ROCK2: variants seen among roughly 807,000 people sequenced by gnomAD.
ROCK2 encodes the protein rho-associated protein kinase 2.
ROCK2 carries 61 observed loss-of-function variants against 195.1 expected under a neutral mutation model. That is an observed-to-expected ratio of 0.31 (90% CI 0.25 to 0.39). ROCK2 has a LOEUF of 0.39. ROCK2 is among the 10% of genes least tolerant of loss of function. The pLI, the probability that ROCK2 is intolerant of heterozygous loss-of-function variation, is 1.00. For synonymous variants in ROCK2, 504 were observed against 545.5 expected, an observed-to-expected ratio of 0.92 and a Z score of 1.06; for missense variants, 1,109 against 1,637.4, an observed-to-expected ratio of 0.68 and a Z score of 5.57.
chr2:11,199,929 C>G (rs990796497), intron 23 of ROCK2, among the ~76,000 whole-genome samples: 5 of 152,066 alleles, frequency 3.3e-5, no homozygotes, highest in Non-Finnish European at 7.4e-5. Context: ...TGTACTATGC[C>G]ATACTAAATT....
At chr2:11,244,142 T>C (rs1665529945) in intron 4 of ROCK2, among the ~76,000 whole-genome samples, 1 of 152,208 alleles carries the variant, frequency 6.6e-6, no homozygotes. Flanking sequence ...AAGAATTTCA[T>C]TCTTGTCATT....
chr2:11,302,668 C>T (rs991707087), intron 1 of ROCK2, among the ~76,000 whole-genome samples: 5 of 152,070 alleles, frequency 3.3e-5, no homozygotes, highest in African/African-American at 1.2e-4. Flanking sequence ...AACTGAGATG[C>T]TCTGGTAAAT....
intron 32 of ROCK2, among the ~76,000 whole-genome samples, chr2:11,190,593 T>C (rs1024178360): frequency 6.6e-6 from 1 of 152,138 alleles, no homozygotes; most frequent in Non-Finnish European, 1.5e-5. Flanking sequence ...ATCAAAAGGA[T>C]ATTTGGAGTT....
rs545908289 is a variant in ROCK2, at chr2:11,344,573, G to A, written c.-437C>T. 8.9e-3 allele frequency: 7,715 copies of A among 866,856 alleles called. 42 individuals are homozygous for A. Among genetic ancestry groups the A allele is most frequent in the Non-Finnish European group, 0.01 (7,257 of 724,052 alleles). The allele number at this position is 866,856 out of a possible 1,614,324, so 53.7% of individuals were successfully genotyped here. A position where few individuals can be genotyped will look rare whatever the true frequency, so the allele number is the denominator to read the frequency against. ...CCGCCGGCCCGCTGCCATGGTCGCC[G>A]CCGGCCGCCTTGCAGTCCCTCAGCC... is the stretch of plus-strand genomic sequence containing the variant. On this transcript the variant is annotated 5_prime_UTR_variant, in exon 1 of 33. Coordinates refer to ENST00000315872, the MANE Select transcript of ROCK2 (RefSeq NM_004850.5). The surrounding 1 kb of genome is among the most constrained non-coding windows in gnomAD (Gnocchi z 5.4).
intron 20 of ROCK2, among the ~76,000 whole-genome samples, chr2:11,206,644 C>T (rs550871183): frequency 1.3e-5 from 2 of 152,296 alleles, no homozygotes; most frequent in African/African-American, 4.8e-5. Flanking sequence ...TAGATAGCAT[C>T]AGTCTTACTG....
intron 3 of ROCK2, among the ~76,000 whole-genome samples, chr2:11,252,945 A>G (rs546310676): frequency 1.1e-5 from 1 of 89,444 alleles, no homozygotes; most frequent in African/African-American, 5.2e-5. Context: ...AAAGTATAAT[A>G]ATAATAATAA....
intron 1 of ROCK2, among the ~76,000 whole-genome samples, chr2:11,305,793 A>G (rs968107199): frequency 4.6e-5 from 7 of 152,246 alleles, no homozygotes; most frequent in Admixed American, 1.3e-4. Context: ...TATGTAAGAT[A>G]TAAACACTAT....
At chr2:11,193,676 C>T (rs542337173) in intron 30 of ROCK2, 103 bp downstream of exon 30, 1 of 591,056 alleles carries the variant, frequency 1.7e-6, no homozygotes, top group Admixed American at 3.3e-5. Flanking sequence ...TGAAGAGGGT[C>T]AAAGAATGAA....
intron 1 of ROCK2, among the ~76,000 whole-genome samples, chr2:11,288,292 A>G (rs1429453949): frequency 2.0e-5 from 3 of 152,170 alleles, no homozygotes; most frequent in African/African-American, 7.2e-5. Flanking sequence ...TACAGTGAAC[A>G]TGCATTAAAA....
In ROCK2 at chr2:11,180,442, G is replaced by C. The variant is rs1662937470; in HGVS notation, c.*2995C>G. 1 of 152,078 alleles carries C rather than the reference G, an allele frequency of 6.6e-6. No individual in the cohort carries two copies. Among genetic ancestry groups the C allele is most frequent in the Non-Finnish European group, 1.5e-5 (1 of 68,002 alleles). 9.4% of individuals were successfully genotyped at this position (152,078 alleles called of 1,614,324 possible). ...GGTATGCTTATCCATTAGTTAGCTG[G>C]AACATTTTAAAACTTTCATATAGAT... On this transcript the variant is annotated 3_prime_UTR_variant, in exon 33 of 33. Coordinates refer to ENST00000315872, the MANE Select transcript of ROCK2 (RefSeq NM_004850.5).
chr2:11,238,494 G>A (rs1487282272), intron 4 of ROCK2, among the ~76,000 whole-genome samples: 1 of 152,066 alleles, frequency 6.6e-6, no homozygotes, highest in African/African-American at 2.4e-5. Flanking sequence ...TCTGGAACTA[G>A]AACAAAGCAG....
At chr2:11,343,862 C>G in intron 1 of ROCK2, 134 bp downstream of exon 1, 2 of 1,166,570 alleles carry the variant, frequency 1.7e-6, no homozygotes, top group South Asian at 3.5e-5. Context: ...GTCTCCGGCC[C>G]CGGCTGCCGG....
intron 1 of ROCK2, among the ~76,000 whole-genome samples, chr2:11,340,897 G>A (rs1337931662): frequency 2.6e-5 from 4 of 152,102 alleles, no homozygotes; most frequent in Non-Finnish European, 5.9e-5. Context: ...CTTTGAAAGA[G>A]TAAAATAAAT....
intron 3 of ROCK2, among the ~76,000 whole-genome samples, chr2:11,283,262 CAA>C (rs70953382): frequency 9.4e-4 from 128 of 136,274 alleles, no homozygotes; most frequent in Non-Finnish European, 9.6e-4. Flanking sequence ...GACTCCGTCT[CAA>C]AAAAAAAAAA....
intron 8 of ROCK2, among the ~76,000 whole-genome samples, chr2:11,221,682 C>CAT (rs1273855723): frequency 1.3e-5 from 2 of 152,078 alleles, no homozygotes; most frequent in East Asian, 3.8e-4. Context: ...GAATCAATGT[C>CAT]ATATATACAT....
chr2:11,209,471 A>T (rs552101813), intron 18 of ROCK2, among the ~76,000 whole-genome samples: 1 of 152,340 alleles, frequency 6.6e-6, no homozygotes, highest in East Asian at 1.9e-4. Context: ...CTTGTTTTTT[A>T]AAAAGCAAAA....
chr2:11,285,548 C>T (rs1011517888), intron 3 of ROCK2, among the ~76,000 whole-genome samples: 2 of 152,126 alleles, frequency 1.3e-5, no homozygotes, highest in Non-Finnish European at 2.9e-5. Context: ...TCAAGAAAGG[C>T]ACAGTGAGGT....
At position 11,270,513 on chromosome 2, in the gene ROCK2, G is replaced by A. The variant is rs991605155; in HGVS notation, c.324+16026C>T. Among the ~76,000 whole-genome samples, 6 of 151,974 alleles carry A rather than the reference G, an allele frequency of 3.9e-5. No individual in the cohort carries two copies. In the East Asian group the frequency reaches 9.6e-4, roughly 24 times the overall value. ...TTTACACCTTTTCTAGTGGTTCCAT[G>A]GTTCTGTGATAATTCTGTTCTGATG... On this transcript the variant is annotated intron_variant, in intron 3 of 32. Transcript: ENST00000315872.
chr2:11,198,529 C>T lies in ROCK2; in HGVS notation c.3061G>A (p.Glu1021Lys). Reference protein sequence around the residue: ...ISAAAIKAQFEKQLLTERTLK... With the variant: ...ISAAAIKAQFKKQLLTERTLK... Reference sequence around the variant, plus strand: ...GTTCTTTCTGTTAATAGCTGCTTCTCAAACTGTGCTTTAATAGCTGCTGCG... The same window carrying T: ...GTTCTTTCTGTTAATAGCTGCTTCTTAAACTGTGCTTTAATAGCTGCTGCG... Residue 1021 changes from glutamate (E) to lysine (K), a missense_variant, in exon 25 of 33, where the codon GAG becomes AAG. Glu to Lys is a moderately conservative substitution (Grantham distance 56). This residue lies in a region of ROCK2 where 29 missense variants were observed against 75.0 expected (regional missense o/e 0.39). Transcript: ENST00000315872. The T allele has an allele frequency of 6.2e-7, 1 of 1,613,104 alleles. No individual in the cohort carries two copies. Among genetic ancestry groups the T allele is most frequent in the Non-Finnish European group, 8.5e-7 (1 of 1,179,656 alleles).
Sources: gnomAD v4.1 joint callset for allele counts (sites outside exome capture counted in the v4.1 genomes callset) on GRCh38, gnomAD v4.1.1 for gene constraint, gnomAD v4.1.1 regional missense constraint, Gnocchi (gnomAD v3.1) non-coding constraint, MANE v1.5 for transcripts, NCBI Gene and HGNC (gene_info 2026-07-23, HGNC 2026-07-21) for gene names.